The following AFF2 variants were observed in gnomAD, a reference collection of about 807,000 sequenced individuals.
The protein encoded by AFF2 is AF4/FMR2 family member 2.
AFF2 carries 14 observed loss-of-function variants against 76.9 expected under a neutral mutation model. The observed-to-expected ratio is 0.18, with a 90% confidence interval of 0.12 to 0.28. The LOEUF (loss-of-function observed/expected upper bound fraction) is 0.28. Ranked by LOEUF, AFF2 falls within the 10% of genes least tolerant of loss-of-function variation. The pLI is 1.00. For missense variants in AFF2, 868 were observed against 1,001.1 expected (o/e 0.87, Z 1.79); for synonymous variants, 398 against 366.7 (o/e 1.09, Z -0.98).
At chrX:148,951,515 T>C (rs1451275280) in intron 9 of AFF2, among the ~76,000 whole-genome samples, 1 of 111,663 alleles carries the variant, frequency 9.0e-6, no homozygotes, top group Non-Finnish European at 1.9e-5. Context: ...TTGAGAATCA[T>C]AAATGTGGAT....
chrX:148,786,883 G>C (rs191064826), intron 3 of AFF2, among the ~76,000 whole-genome samples: 1 of 111,738 alleles, frequency 8.9e-6, no homozygotes, highest in South Asian at 3.8e-4. Flanking sequence ...AAGTTGACAG[G>C]CCTGGGTTCT....
intron 19 of AFF2, 51 bp downstream of exon 19, chrX:148,980,841 A>T (rs2072383717): frequency 1.0e-6 from 1 of 980,776 alleles, no homozygotes; most frequent in Non-Finnish European, 1.4e-6. Context: ...GATTCAATAG[A>T]CCCCAGATAT....
intron 3 of AFF2, among the ~76,000 whole-genome samples, chrX:148,735,587 TTC>T (rs1239762588): frequency 8.9e-6 from 1 of 111,851 alleles, no homozygotes; most frequent in African/African-American, 3.2e-5. Flanking sequence ...ACAAATAAGT[TTC>T]TGTTTCTTTT....
intron 1 of AFF2, among the ~76,000 whole-genome samples, chrX:148,587,614 A>G (rs1336515568): frequency 2.7e-5 from 3 of 112,048 alleles, no homozygotes; most frequent in African/African-American, 9.7e-5. Flanking sequence ...TTGAACCCTT[A>G]AAAGGAAACA....
At chrX:148,784,502 C>T (rs981964698) in intron 3 of AFF2, among the ~76,000 whole-genome samples, 4 of 111,552 alleles carry the variant, frequency 3.6e-5, no homozygotes, top group Non-Finnish European at 5.7e-5. Context: ...GGCAGGGGTG[C>T]CTGTGTTGGC....
intron 9 of AFF2, among the ~76,000 whole-genome samples, chrX:148,945,640 G>A (rs1394495147): frequency 8.9e-6 from 1 of 112,136 alleles, no homozygotes; most frequent in African/African-American, 3.2e-5. Context: ...ATCTCCAGGT[G>A]ATTCCTATGC....
chrX:148,871,085 G>A (rs782669967), intron 7 of AFF2, among the ~76,000 whole-genome samples: 25 of 111,278 alleles, frequency 2.2e-4, no homozygotes, highest in African/African-American at 7.8e-4. Flanking sequence ...GCGGGTGGGG[G>A]GCAGTGATGA....
chrX:148,736,691 A>C (rs781796986), intron 3 of AFF2, among the ~76,000 whole-genome samples: 1 of 111,718 alleles, frequency 9.0e-6, no homozygotes, highest in East Asian at 2.8e-4. Context: ...TCTTTGCCTA[A>C]GCTAATGTCT....
intron 2 of AFF2, among the ~76,000 whole-genome samples, chrX:148,659,415 A>G (rs373102743): frequency 1.8e-5 from 2 of 112,385 alleles, no homozygotes; most frequent in South Asian, 3.7e-4. Context: ...GACTACAATG[A>G]CTTTTCAGGG....
At chrX:148,729,248 T>A (rs1303082260) in intron 3 of AFF2, among the ~76,000 whole-genome samples, 1 of 112,179 alleles carries the variant, frequency 8.9e-6, no homozygotes, top group Non-Finnish European at 1.9e-5. Flanking sequence ...GTGTACATTC[T>A]GACTTAAGGG....
intron 1 of AFF2, among the ~76,000 whole-genome samples, chrX:148,507,814 C>T (rs2052437311): frequency 9.0e-6 from 1 of 111,726 alleles, no homozygotes; most frequent in Non-Finnish European, 1.9e-5. Flanking sequence ...TACCTACTTA[C>T]TGAGCTGAAA....
chrX:148,800,910 C>T (rs1217286761), intron 3 of AFF2, among the ~76,000 whole-genome samples: 1 of 112,358 alleles, frequency 8.9e-6, no homozygotes, highest in Non-Finnish European at 1.9e-5. Context: ...AATTCAGAAA[C>T]TCCGTCTAAT....
intron 3 of AFF2, among the ~76,000 whole-genome samples, chrX:148,784,574 G>A (rs1210056807): frequency 9.0e-6 from 1 of 111,542 alleles, no homozygotes; most frequent in East Asian, 2.8e-4. Context: ...ATGCTACGGT[G>A]CATTAAGGAT....
rs552831240 is a variant in AFF2, at chrX:148,811,949, C to T, written c.1086+2029C>T. Among the ~76,000 whole-genome samples the T allele has an allele frequency of 6.4e-5, 7 of 109,445 alleles. No homozygotes were observed. In the South Asian group the frequency reaches 2.7e-3, roughly 42 times the overall value. ...TGAAAGAGAATCTAGAGAAATGTCT[C>T]TTTTTTTTGAAGGGCTATAGATTGT... On this transcript the variant is annotated intron_variant, in intron 4 of 20. Coordinates refer to ENST00000370460, the MANE Select transcript of AFF2 (RefSeq NM_002025.4).
intron 1 of AFF2, among the ~76,000 whole-genome samples, chrX:148,636,065 A>G (rs1018653575): frequency 9.0e-6 from 1 of 110,955 alleles, no homozygotes; most frequent in African/African-American, 3.3e-5. Flanking sequence ...CATATATATC[A>G]GCATAATATT....
intron 1 of AFF2, among the ~76,000 whole-genome samples, chrX:148,595,806 C>A (rs2053566014): frequency 9.0e-6 from 1 of 111,723 alleles, no homozygotes; most frequent in Non-Finnish European, 1.9e-5. Context: ...AAGAGGAAAG[C>A]AAGAAGGTCA....
At chrX:148,727,067 A>G (rs1424662427) in intron 3 of AFF2, among the ~76,000 whole-genome samples, 1 of 112,325 alleles carries the variant, frequency 8.9e-6, no homozygotes, top group Non-Finnish European at 1.9e-5. Flanking sequence ...TTTATTTCAA[A>G]TTAATAATGA....
intron 8 of AFF2, among the ~76,000 whole-genome samples, chrX:148,897,605 A>G (rs1289448668): frequency 1.8e-5 from 2 of 109,313 alleles, no homozygotes; most frequent in East Asian, 2.9e-4. Flanking sequence ...TTTCCTGCCA[A>G]TTAGGTTTTT....
intron 3 of AFF2, among the ~76,000 whole-genome samples, chrX:148,698,586 C>A (rs781857364): frequency 8.9e-6 from 1 of 112,178 alleles, no homozygotes; most frequent in East Asian, 2.8e-4. Context: ...ACACAGAATA[C>A]TTAGCACATG....
Sources: gnomAD v4.1 joint callset for allele counts (sites outside exome capture counted in the v4.1 genomes callset) on GRCh38, gnomAD v4.1.1 for gene constraint, MANE v1.5 for transcripts, NCBI Gene and HGNC (gene_info 2026-07-23, HGNC 2026-07-21) for gene names.